The following DDR2 variants were observed in gnomAD, a reference collection of about 807,000 sequenced individuals.
The protein encoded by DDR2 is discoidin domain-containing receptor 2.
Under a neutral mutation model 94.9 loss-of-function variants are expected in DDR2, and 27 were observed. The ratio of observed to expected loss-of-function variants is 0.28; its 90% CI spans 0.21 to 0.39. The LOEUF (loss-of-function observed/expected upper bound fraction) is 0.39, where lower values mean the gene tolerates loss of function less well. Ranked by LOEUF, DDR2 falls within the 10% of genes least tolerant of loss-of-function variation. The pLI is 1.00. For synonymous variants in DDR2, 382 were observed against 377.2 expected (o/e 1.01, Z -0.15); for missense variants, 783 against 1,076.0 (o/e 0.73, Z 3.81).
intron 1 of DDR2, among the ~76,000 whole-genome samples, chr1:162,640,192 C>G (rs1395171612): frequency 1.3e-5 from 2 of 152,044 alleles, no homozygotes; most frequent in African/African-American, 2.4e-5. Flanking sequence ...CAGGCGTGTG[C>G]TATCACGCCC....
At chr1:162,663,606 G>T (rs1317050427) in intron 2 of DDR2, among the ~76,000 whole-genome samples, 3 of 152,108 alleles carry the variant, frequency 2.0e-5, no homozygotes, top group African/African-American at 4.8e-5. Context: ...AGGGTGGAGA[G>T]TCTTGTTAGG....
intron 2 of DDR2, among the ~76,000 whole-genome samples, chr1:162,680,754 T>G (rs1659361548): frequency 6.6e-6 from 1 of 152,218 alleles, no homozygotes; most frequent in Non-Finnish European, 1.5e-5. Flanking sequence ...TAACCCAACC[T>G]TAAAGACTAT....
intron 1 of DDR2, among the ~76,000 whole-genome samples, chr1:162,637,042 T>C (rs1656862962): frequency 6.6e-6 from 1 of 152,178 alleles, no homozygotes; most frequent in Admixed American, 6.6e-5. Flanking sequence ...CATAGCATCC[T>C]GGTAAACTCT....
intron 8 of DDR2, among the ~76,000 whole-genome samples, chr1:162,760,237 C>T (rs1663648240): frequency 6.6e-6 from 1 of 151,818 alleles, no homozygotes; most frequent in African/African-American, 2.4e-5. Flanking sequence ...TCCATTAAGC[C>T]AATAACACAG....
intron 3 of DDR2, among the ~76,000 whole-genome samples, chr1:162,742,671 C>A (rs1405893060): frequency 1.4e-5 from 2 of 147,954 alleles, no homozygotes; most frequent in African/African-American, 5.1e-5. Context: ...TTTGGGTGGG[C>A]ACAAATATCC....
intron 2 of DDR2, among the ~76,000 whole-genome samples, chr1:162,682,292 A>G (rs1381880798): frequency 6.6e-6 from 1 of 152,128 alleles, no homozygotes; most frequent in African/African-American, 2.4e-5. Flanking sequence ...TTGATTTGGG[A>G]CTTTTCTGCC....
chr1:162,774,850 G>A (rs973294589), intron 14 of DDR2, among the ~76,000 whole-genome samples: 3 of 152,156 alleles, frequency 2.0e-5, no homozygotes, highest in Non-Finnish European at 2.9e-5. Flanking sequence ...CATCAGGACG[G>A]CATTGATTCC....
At position 162,786,932 on chromosome 1, in the gene DDR2, T is replaced by C. The variant is rs530245805; in HGVS notation, c.*6686T>C. ...GTCTTGTTTGATACACAGAAATCCT[T>C]TTTAAATCCAAATATAGTCTGTCTC... On this transcript the variant is annotated 3_prime_UTR_variant, in exon 18 of 18. Coordinates refer to ENST00000367921, the MANE Select transcript of DDR2 (RefSeq NM_006182.4). The C allele has an allele frequency of 7.2e-5, 11 of 152,342 alleles. No individual in the cohort carries two copies. Among genetic ancestry groups the C allele is most frequent in the South Asian group, 6.2e-4 (3 of 4,826 alleles). 9.4% of individuals were successfully genotyped at this position (152,342 alleles called of 1,614,324 possible). A position where few individuals can be genotyped will look rare whatever the true frequency, so the allele number is the denominator to read the frequency against.
At chr1:162,649,905 A>G (rs534821628) in intron 1 of DDR2, among the ~76,000 whole-genome samples, 1 of 152,340 alleles carries the variant, frequency 6.6e-6, no homozygotes, top group South Asian at 2.1e-4. Context: ...TAAATCAGTT[A>G]ACCCTTTGGG....
intron 1 of DDR2, among the ~76,000 whole-genome samples, chr1:162,648,534 A>G (rs950450043): frequency 1.3e-5 from 2 of 152,210 alleles, no homozygotes; most frequent in Non-Finnish European, 2.9e-5. Flanking sequence ...TGACAGCAGT[A>G]TGTAAGCAAA....
chr1:162,635,081 G>A (rs377047278), intron 1 of DDR2, among the ~76,000 whole-genome samples: 4 of 152,064 alleles, frequency 2.6e-5, no homozygotes, highest in African/African-American at 4.8e-5. Context: ...AGGTGTTTCC[G>A]GAATGCCTTT....
In DDR2 at chr1:162,746,964, G is replaced by A. The variant is rs530754102; in HGVS notation, c.83-6131G>A. On this transcript the variant is annotated intron_variant, in intron 3 of 17. Coordinates refer to ENST00000367921, the MANE Select transcript of DDR2 (RefSeq NM_006182.4). ...GAAAACTAACAAAGAGAAAGGAATAGCATCAACATCAACAAAAAGGACATC... is the reference window on the plus strand; with the variant it reads ...GAAAACTAACAAAGAGAAAGGAATAACATCAACATCAACAAAAAGGACATC... 3.0e-3 allele frequency among the ~76,000 whole-genome samples: 463 copies of A among 152,290 alleles called. 2 individuals are homozygous for A. Among genetic ancestry groups the A allele is most frequent in the African/African-American group, 0.011 (453 of 41,574 alleles).
chr1:162,666,175 G>A (rs758562151), intron 2 of DDR2, among the ~76,000 whole-genome samples: 3 of 152,172 alleles, frequency 2.0e-5, no homozygotes, highest in Admixed American at 1.3e-4. Context: ...CACAAGAGGA[G>A]TCAGGTTAGA....
chr1:162,770,284 CT>C lies in DDR2; in HGVS notation c.1294-16del, dbSNP rs749501890. On this transcript the variant is annotated splice_polypyrimidine_tract_variant and intron_variant, in intron 11 of 17. Transcript: ENST00000367921. ...TCTTTTGTGCCAACATGCCTTTCTC[CT>C]TGCTCTTCTCTTCCAGGCTTCTCGG... 10 of 1,613,256 alleles carry C rather than the reference CT, an allele frequency of 6.2e-6. No homozygotes were observed. In the South Asian group the frequency reaches 1.1e-4, roughly 18 times the overall value.
At chr1:162,758,224 G>A (rs954324635) in intron 7 of DDR2, among the ~76,000 whole-genome samples, 1 of 152,106 alleles carries the variant, frequency 6.6e-6, no homozygotes, top group African/African-American at 2.4e-5. Context: ...TTTAATAATT[G>A]AAGTAATGAA....
At chr1:162,757,250 AGTT>A (rs1663507136) in intron 7 of DDR2, among the ~76,000 whole-genome samples, 1 of 152,234 alleles carries the variant, frequency 6.6e-6, no homozygotes, top group Non-Finnish European at 1.5e-5. Context: ...TGCACATATA[AGTT>A]GTTATCTGAT....
intron 3 of DDR2, among the ~76,000 whole-genome samples, chr1:162,746,792 GC>G: frequency 6.6e-6 from 1 of 152,326 alleles, no homozygotes; most frequent in East Asian, 1.9e-4. Flanking sequence ...GGATCAGGCA[GC>G]AACATTTGCT....
chr1:162,719,474 T>C (rs1030468722), intron 3 of DDR2, among the ~76,000 whole-genome samples: 2 of 152,136 alleles, frequency 1.3e-5, no homozygotes, highest in Non-Finnish European at 2.9e-5. Context: ...TTTTTAGATG[T>C]CTTGGAGAAC....
intron 3 of DDR2, among the ~76,000 whole-genome samples, chr1:162,732,647 C>T (rs557289767): frequency 4.6e-5 from 7 of 152,322 alleles, no homozygotes; most frequent in South Asian, 2.1e-4. Flanking sequence ...GGCTTGAGAC[C>T]GCTGACCCCA....
Sources: gnomAD v4.1 joint callset for allele counts (sites outside exome capture counted in the v4.1 genomes callset) on GRCh38, gnomAD v4.1.1 for gene constraint, MANE v1.5 for transcripts, NCBI Gene and HGNC (gene_info 2026-07-23, HGNC 2026-07-21) for gene names.